The following SORCS2 variants were observed in gnomAD, a reference collection of about 807,000 sequenced individuals.
SORCS2 encodes sortilin related VPS10 domain containing receptor 2.
Under a neutral mutation model 141.6 loss-of-function variants are expected in SORCS2, and 100 were observed. That is an observed-to-expected ratio of 0.71 (90% CI 0.60 to 0.83). The LOEUF is 0.83. Ranked by LOEUF, SORCS2 falls within the 40% of genes least tolerant of loss-of-function variation. The pLI is 0.00. For synonymous variants in SORCS2, 789 were observed against 676.9 expected (o/e 1.17, Z -2.57); for missense variants, 1,646 against 1,560.2 (o/e 1.05, Z -0.93).
At chr4:7,698,830 G>A (rs1441068825) in intron 12 of SORCS2, among the ~76,000 whole-genome samples, 1 of 150,060 alleles carries the variant, frequency 6.7e-6, no homozygotes, top group African/African-American at 2.5e-5. Context: ...CGTGTGGCAG[G>A]GGAGGGAGAG....
intron 11 of SORCS2, among the ~76,000 whole-genome samples, chr4:7,690,180 C>T (rs1050368794): frequency 1.9e-4 from 25 of 128,542 alleles, no homozygotes; most frequent in Non-Finnish European, 3.0e-4. Context: ...AGTGGATAGA[C>T]GAGTAGATGG....
At chr4:7,685,688 A>AATATATATATATATATATATATATATAT (rs5855976) in intron 10 of SORCS2, among the ~76,000 whole-genome samples, 3 of 149,602 alleles carry the variant, frequency 2.0e-5, no homozygotes, top group African/African-American at 7.5e-5. Context: ...AAAATAAATA[A>AATATATATATATATATATATATATATAT]ATATATATAT....
chr4:7,476,370 C>T (rs1730291787), intron 2 of SORCS2, among the ~76,000 whole-genome samples: 2 of 152,152 alleles, frequency 1.3e-5, no homozygotes, highest in Admixed American at 1.3e-4. Flanking sequence ...CCACGTCTGA[C>T]TGGGGCTGGC....
intron 1 of SORCS2, among the ~76,000 whole-genome samples, chr4:7,279,764 C>G (rs759622331): frequency 3.9e-5 from 6 of 152,188 alleles, no homozygotes; most frequent in Non-Finnish European, 7.3e-5. Flanking sequence ...ACGAAGGGAA[C>G]ATTTTGTACC....
Position 7,283,023 on chromosome 4 carries a change from TCATTTATTCATC to T in SORCS2, c.480+89902_480+89913del, listed in dbSNP as rs566228970. ...TTAATTCACTCATTCACCCATTCAC[TCATTTATTCATC>T]CATTCATTCACTCATTCATTCACCC... On this transcript the variant is annotated intron_variant, in intron 1 of 26. Coordinates refer to ENST00000507866, the MANE Select transcript of SORCS2 (RefSeq NM_020777.3). Among the ~76,000 whole-genome samples, 1,060 of 151,928 alleles carry T rather than the reference TCATTTATTCATC, an allele frequency of 7.0e-3. 6 individuals carry two copies. Among genetic ancestry groups the T allele is most frequent in the Middle Eastern group, 0.048 (14 of 294 alleles).
chr4:7,644,557 T>C (rs138174326), intron 4 of SORCS2, among the ~76,000 whole-genome samples: 71 of 152,320 alleles, frequency 4.7e-4, no homozygotes, highest in Admixed American at 9.8e-4. Flanking sequence ...CTTTCAGGCC[T>C]CTGCAGTGAA....
chr4:7,195,430 A>G (rs1021568454), intron 1 of SORCS2, among the ~76,000 whole-genome samples: 6 of 152,098 alleles, frequency 3.9e-5, no homozygotes, highest in East Asian at 1.9e-4. Context: ...CCGTGGGGTC[A>G]GATGCTGGAC....
In SORCS2 at chr4:7,712,763, T is replaced by C. The variant is rs4689833; in HGVS notation, c.1899T>C (p.Asp633=). The change falls in exon 15 of 27, where the codon GAT becomes GAC. Residue 633 remains aspartate, a synonymous_variant. Transcript: ENST00000507866. ...TTGGCCACATCAGCTTCCGCTCCGA[T>C]TGGGAGCTGGTCAAGGTGGACTTCC... ...TVFGHISFRS[D]WELVKVDFRP... 0.75 allele frequency: 1,209,609 copies of C among 1,613,790 alleles called. 457,179 individuals carry two copies. Among genetic ancestry groups the C allele is most frequent in the East Asian group, 1 (44,839 of 44,866 alleles).
chr4:7,543,408 C>CATCCATCT (rs1712847071), intron 3 of SORCS2, among the ~76,000 whole-genome samples: 2 of 80,242 alleles, frequency 2.5e-5, no homozygotes, highest in African/African-American at 6.0e-5. Context: ...TCCATCCACC[C>CATCCATCT]ATCCATCTAT....
intron 3 of SORCS2, among the ~76,000 whole-genome samples, chr4:7,568,310 G>A (rs1348126999): frequency 3.9e-5 from 6 of 152,210 alleles, no homozygotes; most frequent in African/African-American, 1.4e-4. Flanking sequence ...AAACAAGTTA[G>A]CAAGTATCTA....
rs1181209422 is a variant in SORCS2, at chr4:7,706,388, GGATGAGGCTGGGCTCTGCCTGGACAGA to G, written c.1868+2122_1868+2148del. 2.1e-3 allele frequency among the ~76,000 whole-genome samples: 310 copies of G among 149,114 alleles called. 9 individuals carry two copies. Among genetic ancestry groups the G allele is most frequent in the African/African-American group, 4.6e-3 (184 of 39,648 alleles). ...ATGAGGCTGGGCTCTGTCTGGGCAG[GGATGAGGCTGGGCTCTGCCTGGACAGA>G]GATGAGGCTGGGCTCTGTCTGGGCA... On this transcript the variant is annotated intron_variant, in intron 14 of 26. Coordinates refer to ENST00000507866, the MANE Select transcript of SORCS2 (RefSeq NM_020777.3).
At chr4:7,481,169 GGGAGCCACAGACTTTCCTGAGTGGCA>G (rs1456387873) in intron 2 of SORCS2, among the ~76,000 whole-genome samples, 1 of 152,238 alleles carries the variant, frequency 6.6e-6, no homozygotes, top group Admixed American at 6.5e-5. Context: ...GCACCTGAGT[GGGAGCCACAGACTTTCCTGAGTGGCA>G]GGTGTGGCAA....
intron 2 of SORCS2, among the ~76,000 whole-genome samples, chr4:7,478,459 C>A (rs1348122330): frequency 2.0e-5 from 3 of 152,094 alleles, no homozygotes; most frequent in Non-Finnish European, 1.5e-5. Flanking sequence ...TTCCTGGCCC[C>A]GACCCCTGCT....
intron 1 of SORCS2, among the ~76,000 whole-genome samples, chr4:7,276,726 T>C (rs991792125): frequency 6.6e-6 from 1 of 152,186 alleles, no homozygotes; most frequent in Non-Finnish European, 1.5e-5. Flanking sequence ...CTGAATGCGA[T>C]TTAGAAGGCA....
chr4:7,270,690 C>T (rs1182824699), intron 1 of SORCS2, among the ~76,000 whole-genome samples: 1 of 152,224 alleles, frequency 6.6e-6, no homozygotes, highest in Non-Finnish European at 1.5e-5. Context: ...CTTCAAGCCA[C>T]TGTCAAGGAG....
At chr4:7,486,706 T>C (rs1731010875) in intron 2 of SORCS2, among the ~76,000 whole-genome samples, 1 of 152,104 alleles carries the variant, frequency 6.6e-6, no homozygotes, top group Admixed American at 6.5e-5. Context: ...CAAAGGAGGA[T>C]CCCTCCTGGC....
In SORCS2 at chr4:7,351,683, GTCCATCCA is replaced by G. The variant is rs532161913; in HGVS notation, c.481-44585_481-44578del. 2.0e-3 allele frequency among the ~76,000 whole-genome samples: 275 copies of G among 139,804 alleles called. 3 individuals are homozygous for G. The highest frequency in any genetic ancestry group is 6.9e-3 in the African/African-American group (258 of 37,632). The allele number at this position is 139,804 out of a possible 152,430, so 91.7% of individuals were successfully genotyped here. A position where few individuals can be genotyped will look rare whatever the true frequency, so the allele number is the denominator to read the frequency against. On this transcript the variant is annotated intron_variant, in intron 1 of 26. Transcript: ENST00000507866. ...CCCTTCCTCTCCCTCTCTTCCATCC[GTCCATCCA>G]TCCATCCATCCATCCATCCTTCTAC...
chr4:7,673,669 T>C (rs1722924224), intron 8 of SORCS2, among the ~76,000 whole-genome samples: 1 of 152,174 alleles, frequency 6.6e-6, no homozygotes, highest in Admixed American at 6.5e-5. Context: ...TTTATGCATT[T>C]TTCTTTGTTT....
chr4:7,398,261 G>C (rs1724347866), intron 2 of SORCS2, among the ~76,000 whole-genome samples: 1 of 152,166 alleles, frequency 6.6e-6, no homozygotes, highest in Non-Finnish European at 1.5e-5. Context: ...TGGCAGCAGA[G>C]AGGCCAAACC....
Sources: allele counts gnomAD v4.1 joint callset (sites outside exome capture counted in the v4.1 genomes callset), GRCh38; gene constraint gnomAD v4.1.1; transcripts MANE v1.5; gene names NCBI Gene and HGNC (gene_info 2026-07-23, HGNC 2026-07-21).